The following MROH2B variants were observed in gnomAD, a reference collection of about 807,000 sequenced individuals.
MROH2B encodes the protein maestro heat-like repeat-containing protein family member 2B.
A neutral mutation model predicts 208.6 loss-of-function variants in MROH2B; 177 were observed. The observed-to-expected ratio is 0.85, with a 90% CI of 0.75 to 0.96. The LOEUF (loss-of-function observed/expected upper bound fraction) is 0.96. MROH2B is among the 40% of genes least tolerant of loss of function. The pLI is 0.00. For synonymous variants in MROH2B, 728 were observed against 659.0 expected (o/e 1.10, Z -1.60); for missense variants, 2,002 against 1,878.7 (o/e 1.07, Z -1.21).
intron 24 of MROH2B, among the ~76,000 whole-genome samples, chr5:41,025,608 AAGG>A (rs1372253012): frequency 6.6e-6 from 1 of 152,234 alleles, no homozygotes; most frequent in African/African-American, 2.4e-5. Flanking sequence ...CCAGAGGTAC[AAGG>A]AGGAGCCGGT....
chr5:41,013,833 T>A (rs1741850866), intron 29 of MROH2B, among the ~76,000 whole-genome samples: 1 of 152,206 alleles, frequency 6.6e-6, no homozygotes, highest in Admixed American at 6.5e-5. Context: ...GTCTCTCAAA[T>A]GGCTTCTCTG....
rs374924519 is a variant in MROH2B at position 41,012,669 on chromosome 5, C to T, written c.3049G>A (p.Glu1017Lys). ...MFLEEMLDGL[E>K]SLNPTCTKAC... ...TTTGTACAAGTGGGGTTGAGGCTCT[C>T]CAGACCGTCCAGCATTTCCTCTAGG... is the stretch of plus-strand genomic sequence containing the variant. Residue 1017 changes from glutamate to lysine, a missense_variant, in exon 30 of 42, where the codon GAG (glutamate) becomes AAG (lysine). By Grantham distance (56) the Glu-to-Lys change is moderately conservative (BLOSUM62 1). Transcript: ENST00000399564. 1.3e-5 allele frequency: 21 copies of T among 1,613,780 alleles called. No individual in the cohort carries two copies. The highest frequency in any genetic ancestry group is 1.7e-5 in the Non-Finnish European group (20 of 1,179,814).
intron 24 of MROH2B, among the ~76,000 whole-genome samples, chr5:41,021,263 TA>T (rs1421595409): frequency 6.6e-6 from 1 of 152,188 alleles, no homozygotes; most frequent in Non-Finnish European, 1.5e-5. Flanking sequence ...AGAAACACAC[TA>T]AACATTGTTG....
Position 41,000,755 on chromosome 5 carries a change from A to T in MROH2B, c.4273T>A (p.Phe1425Ile), listed in dbSNP as rs370235548. The T allele has an allele frequency of 1.2e-6, 2 of 1,611,546 alleles. No individual in the cohort carries two copies. Among genetic ancestry groups the T allele is most frequent in the Non-Finnish European group, 1.7e-6 (2 of 1,179,002 alleles). The change falls in exon 38 of 42, where the codon TTT (phenylalanine) becomes ATT (isoleucine). Residue 1425 changes from phenylalanine to isoleucine, a missense_variant. Physicochemically the swap from Phe to Ile is conservative, Grantham distance 21. Transcript: ENST00000399564. ...CTCTTTTTTATTTCTTCAGCAAAAA[A>T]AATCTTCCACCTTCTTCCTGTTAGG... ...APLTGRRWKI[F>I]FAEEIKKSLI...
intron 5 of MROH2B, among the ~76,000 whole-genome samples, chr5:41,063,181 G>A (rs148422518): frequency 5.7e-4 from 87 of 152,304 alleles, no homozygotes; most frequent in Middle Eastern, 3.4e-3. Context: ...TACATTCTTG[G>A]TTGTTAATAT....
intron 24 of MROH2B, among the ~76,000 whole-genome samples, chr5:41,026,150 A>G (rs1742352610): frequency 6.6e-6 from 1 of 151,988 alleles, no homozygotes; most frequent in Admixed American, 6.6e-5. Flanking sequence ...TTCTCTCACC[A>G]CTCCTATTCA....
chr5:41,057,420 G>A, intron 7 of MROH2B, 60 bp from the exon 8 acceptor site: 1 of 1,251,124 alleles, frequency 8.0e-7, no homozygotes, highest in South Asian at 1.4e-5. Context: ...TGCACAGGAT[G>A]TGGAAGGCAA....
At chr5:41,005,463 C>A (rs1165536911) in intron 35 of MROH2B, 68 bp downstream of exon 35, 2 of 733,550 alleles carry the variant, frequency 2.7e-6, no homozygotes, top group Admixed American at 2.6e-5. Flanking sequence ...GCACACTGGG[C>A]TCCAGACCAT....
chr5:41,016,735 GC>G (rs1401429366), intron 28 of MROH2B, among the ~76,000 whole-genome samples: 4 of 151,768 alleles, frequency 2.6e-5, no homozygotes, highest in African/African-American at 9.7e-5. Context: ...TATGCTTCGG[GC>G]TCCCAAAGTG....
chr5:41,055,967 G>A, intron 9 of MROH2B, 112 bp from the exon 10 acceptor site: 1 of 733,322 alleles, frequency 1.4e-6, no homozygotes, highest in South Asian at 1.7e-5. Flanking sequence ...CTCTTCAGTT[G>A]GTAATTTGAT....
At position 41,048,911 on chromosome 5, in the gene MROH2B, G is replaced by T. The variant is rs140093312; in HGVS notation, c.1542+190C>A. ...TAAGTAAAGTTCAACAAGTATTTCA[G>T]AGTGGGAAGGTAATCATGTCAATAA... On this transcript the variant is annotated intron_variant, in intron 15 of 41. Coordinates refer to ENST00000399564, the MANE Select transcript of MROH2B (RefSeq NM_173489.5). Among the ~76,000 whole-genome samples the T allele has an allele frequency of 3.3e-5, 5 of 152,304 alleles. No individual in the cohort carries two copies. In the East Asian group the frequency reaches 9.6e-4, roughly 29 times the overall value.
intron 20 of MROH2B, 63 bp downstream of exon 20, chr5:41,039,385 T>G (rs931519003): frequency 2.1e-5 from 20 of 960,494 alleles, no homozygotes; most frequent in African/African-American, 6.6e-5. Context: ...GGATATTCAC[T>G]GAAGAAATCA....
chr5:41,054,757 A>C lies in MROH2B; in HGVS notation c.1107+10T>G. 6.3e-7 allele frequency: 1 copy of C among 1,592,170 alleles called. No individual in the cohort carries two copies. The highest frequency in any genetic ancestry group is 8.6e-7 in the Non-Finnish European group (1 of 1,166,422). On this transcript the variant is annotated intron_variant, in intron 11 of 41. Transcript: ENST00000399564. The stretch of plus-strand genomic sequence containing the variant: ...CTACCATCGACAAGAGTTTCTATTA[A>C]TTCTCTTACTTTTGTACTGAGATCA...
At position 41,058,067 on chromosome 5, in the gene MROH2B, G is replaced by C. The variant is rs1360638897; in HGVS notation, c.752C>G (p.Thr251Ser). ...CCTTTAGGGTATGGCTCTTACCTGAGTGACATGGAAATCAATCTCTTTGTC... is the reference window on the plus strand; with the variant it reads ...CCTTTAGGGTATGGCTCTTACCTGACTGACATGGAAATCAATCTCTTTGTC... ...YKDKEIDFHV[T>S]QSLKQILTAA... The change falls in exon 7 of 42, where the codon ACT becomes AGT. Residue 251 changes from threonine (T) to serine (S), a missense_variant. Coordinates refer to ENST00000399564, the MANE Select transcript of MROH2B (RefSeq NM_173489.5). 1.9e-6 allele frequency: 3 copies of C among 1,589,328 alleles called. No homozygotes were observed. Among genetic ancestry groups the C allele is most frequent in the East Asian group, 2.3e-5 (1 of 43,868 alleles).
At position 41,017,976 on chromosome 5, in the gene MROH2B, G is replaced by C; in HGVS notation, c.2764-6C>G. Reference sequence around the variant, plus strand: ...ATTTTAAAGTTCTCTGGTGCCTGCAGGATAAAGGAGGCATCCTATTGTGAT... The same window carrying C: ...ATTTTAAAGTTCTCTGGTGCCTGCACGATAAAGGAGGCATCCTATTGTGAT... On this transcript the variant is annotated splice_region_variant and splice_polypyrimidine_tract_variant and intron_variant, in intron 27 of 41. Transcript: ENST00000399564. 3 of 1,570,108 alleles carry C rather than the reference G, an allele frequency of 1.9e-6. 1 individual carries two copies. The East Asian group carries it at 7.0e-5, about 36-fold the overall frequency.
chr5:41,028,094 G>T (rs915915659), intron 24 of MROH2B, among the ~76,000 whole-genome samples: 1 of 152,122 alleles, frequency 6.6e-6, no homozygotes, highest in South Asian at 2.1e-4. Flanking sequence ...TGTAAATGTC[G>T]AGTTAATGGG....
At chr5:40,998,798 C>T in intron 40 of MROH2B, 121 bp from the exon 41 acceptor site, 2 of 746,410 alleles carry the variant, frequency 2.7e-6, no homozygotes, top group Non-Finnish European at 4.5e-6. Context: ...AATGAGCAAA[C>T]TATATGACTT....
chr5:41,044,836 G>A (rs1743067730), intron 18 of MROH2B, among the ~76,000 whole-genome samples: 1 of 152,134 alleles, frequency 6.6e-6, no homozygotes, highest in Non-Finnish European at 1.5e-5. Context: ...CTTATGAATG[G>A]TATTAGCATA....
chr5:41,033,102 T>G lies in MROH2B; in HGVS notation c.2300A>C (p.Gln767Pro). Residue 767 changes from glutamine (Q) to proline (P), a missense_variant, in exon 23 of 42, where the codon CAA becomes CCA. Gln to Pro is a moderately conservative substitution (Grantham distance 76, BLOSUM62 -1). Coordinates refer to ENST00000399564, the MANE Select transcript of MROH2B (RefSeq NM_173489.5). The stretch of plus-strand genomic sequence containing the variant: ...CTGGAACCCCTGATCCTCAGCATCT[T>G]GGACAGCAATGCCAATCTCAGTGAT... ...RSITEIGIAV[Q>P]DAEDQGFQFS... 6.2e-7 allele frequency: 1 copy of G among 1,613,102 alleles called. No individual in the cohort carries two copies. Among genetic ancestry groups the G allele is most frequent in the Non-Finnish European group, 8.5e-7 (1 of 1,179,288 alleles).
Sources: gnomAD v4.1 joint callset for allele counts (sites outside exome capture counted in the v4.1 genomes callset) on GRCh38, gnomAD v4.1.1 for gene constraint, MANE v1.5 for transcripts, NCBI Gene and HGNC (gene_info 2026-07-23, HGNC 2026-07-21) for gene names.